Variants in TENM3 observed in about 807,000 individuals in gnomAD.
The protein encoded by TENM3 is teneurin-3.
In TENM3, 63 loss-of-function variants were observed where a neutral mutation model predicts 255.1. The ratio of observed to expected loss-of-function variants is 0.25; its 90% confidence interval spans 0.20 to 0.30. The LOEUF is 0.30. Ranked by LOEUF, TENM3 falls within the 10% of genes least tolerant of loss-of-function variation. TENM3 has a pLI of 1.00. For synonymous variants in TENM3, 1,306 were observed against 1,322.3 expected (o/e 0.99, Z 0.27); for missense variants, 2,929 against 3,461.1 (o/e 0.85, Z 3.86).
intron 3 of TENM3, among the ~76,000 whole-genome samples, chr4:182,532,641 G>A (rs1413320909): frequency 6.6e-6 from 1 of 152,120 alleles, no homozygotes; most frequent in East Asian, 1.9e-4. Context: ...GTACCATTTA[G>A]TAAATTACTT....
the TENM3 span, among the ~76,000 whole-genome samples, chr4:182,014,536 G>T: frequency 0.019 from 2,913 of 152,230 alleles, 40 homozygotes; most frequent in Non-Finnish European, 0.031. Flanking sequence ...AGGAAAAGAA[G>T]ATCCTAGGAG....
the TENM3 span, among the ~76,000 whole-genome samples, chr4:182,033,860 T>G: frequency 6.6e-6 from 1 of 152,228 alleles, no homozygotes; most frequent in African/African-American, 2.4e-5. Flanking sequence ...ATTGCAGCAC[T>G]TGCATTTTTC....
the TENM3 span, among the ~76,000 whole-genome samples, chr4:181,561,035 C>T: frequency 1.3e-5 from 2 of 152,166 alleles, no homozygotes; most frequent in African/African-American, 4.8e-5. Flanking sequence ...TCACTGCAAC[C>T]CTCGCCTCCT....
chr4:182,076,256 C>A, the TENM3 span, among the ~76,000 whole-genome samples: 6 of 141,352 alleles, frequency 4.2e-5, no homozygotes, highest in South Asian at 2.2e-4. Context: ...TGCTCTGTTG[C>A]CAGGTTGGCA....
chr4:182,671,026 A>G (rs1755161072), intron 6 of TENM3, among the ~76,000 whole-genome samples: 1 of 152,190 alleles, frequency 6.6e-6, no homozygotes, highest in African/African-American at 2.4e-5. Context: ...TAAAGTATAA[A>G]GACCATATTC....
chr4:182,049,101 A>G, the TENM3 span, among the ~76,000 whole-genome samples: 1 of 152,150 alleles, frequency 6.6e-6, no homozygotes, highest in Non-Finnish European at 1.5e-5. Context: ...CTCAAGGAGA[A>G]ACTGGCAATT....
chr4:182,293,402 G>A (rs1761250214), intron 1 of TENM3, among the ~76,000 whole-genome samples: 1 of 152,188 alleles, frequency 6.6e-6, no homozygotes, highest in South Asian at 2.1e-4. Flanking sequence ...TTCCATGCAG[G>A]AAAATCTGGA....
intron 20 of TENM3, 51 bp downstream of exon 20, chr4:182,752,083 A>AG (rs1762416025): frequency 1.7e-6 from 2 of 1,159,968 alleles, no homozygotes; most frequent in Non-Finnish European, 2.4e-6. Flanking sequence ...TAAAAAAAAA[A>AG]AAAAAGGGGT....
the TENM3 span, among the ~76,000 whole-genome samples, chr4:181,763,740 A>G: frequency 6.6e-6 from 1 of 152,226 alleles, no homozygotes; most frequent in Non-Finnish European, 1.5e-5. Flanking sequence ...GTCCTCGCTG[A>G]TAAGTATCCC....
At chr4:182,590,997 A>G (rs1446737434) in intron 3 of TENM3, among the ~76,000 whole-genome samples, 2 of 152,204 alleles carry the variant, frequency 1.3e-5, no homozygotes, top group Non-Finnish European at 2.9e-5. Flanking sequence ...AATTCAGTCA[A>G]TTAACCCAAA....
chr4:181,656,405 A>G, the TENM3 span, among the ~76,000 whole-genome samples: 1 of 152,208 alleles, frequency 6.6e-6, no homozygotes, highest in Non-Finnish European at 1.5e-5. Flanking sequence ...TTGTAAATAA[A>G]GGATTAGAAG....
intron 4 of TENM3, among the ~76,000 whole-genome samples, chr4:182,607,602 T>G (rs1748556573): frequency 1.3e-5 from 2 of 152,226 alleles, no homozygotes; most frequent in African/African-American, 4.8e-5. Context: ...TTTAAGGTAT[T>G]GAACGCTTTA....
chr4:181,670,733 T>C, the TENM3 span, among the ~76,000 whole-genome samples: 1 of 152,156 alleles, frequency 6.6e-6, no homozygotes, highest in African/African-American at 2.4e-5. Flanking sequence ...CTATTAGAAG[T>C]ACTGTGTCTG....
rs538115479 is a variant in TENM3 at position 182,688,300 on chromosome 4, G to T, written c.2170G>T (p.Asp724Tyr). The T allele has an allele frequency of 6.2e-7, 1 of 1,613,964 alleles. No individual in the cohort carries two copies. The highest frequency in any genetic ancestry group is 1.3e-5 in the African/African-American group (1 of 75,072). Residue 724 changes from aspartate to tyrosine, a missense_variant, in exon 12 of 28, where the codon GAT becomes TAT. Coordinates refer to ENST00000511685, the MANE Select transcript of TENM3 (RefSeq NM_001080477.4). ...CTGTGCCGAGCACGGGACCTGCAAG[G>T]ATGGCAAGTGTGAATGCAGCCAGGG... Reference protein sequence around the residue: ...PRCAEHGTCKDGKCECSQGWN... With the variant: ...PRCAEHGTCKYGKCECSQGWN...
the TENM3 span, among the ~76,000 whole-genome samples, chr4:181,605,888 C>T: frequency 6.6e-6 from 1 of 152,096 alleles, no homozygotes; most frequent in African/African-American, 2.4e-5. Context: ...GATTTTTCCT[C>T]GGGGCAATTT....
chr4:181,794,140 A>G, the TENM3 span, among the ~76,000 whole-genome samples: 1 of 152,050 alleles, frequency 6.6e-6, no homozygotes, highest in East Asian at 1.9e-4. Context: ...CCCCAGCTTT[A>G]CTGAAGTATA....
At position 182,363,814 on chromosome 4, in the gene TENM3, C is replaced by T. The variant is rs184879793; in HGVS notation, c.511+16885C>T. ...AAGTAATCAGTGTGAAGTATGGTTC[C>T]CCTTCCAACTGGTTAATATAGGAGT... On this transcript the variant is annotated intron_variant, in intron 3 of 27. Coordinates refer to ENST00000511685, the MANE Select transcript of TENM3 (RefSeq NM_001080477.4). Among the ~76,000 whole-genome samples the T allele has an allele frequency of 2.0e-5, 3 of 152,054 alleles. No homozygotes were observed. The East Asian group carries it at 5.8e-4, about 29-fold the overall frequency.
the TENM3 span, among the ~76,000 whole-genome samples, chr4:182,072,824 C>T: frequency 3.3e-5 from 5 of 152,190 alleles, no homozygotes; most frequent in East Asian, 1.9e-4. Flanking sequence ...AGATAGGTGC[C>T]GTGGACTGAG....
intron 6 of TENM3, among the ~76,000 whole-genome samples, chr4:182,658,985 A>G (rs1238957876): frequency 6.6e-6 from 1 of 152,214 alleles, no homozygotes; most frequent in African/African-American, 2.4e-5. Context: ...CCAGCTTTGT[A>G]TAACCTAGCA....
Sources: gnomAD v4.1 joint callset for allele counts (sites outside exome capture counted in the v4.1 genomes callset) on GRCh38, gnomAD v4.1.1 for gene constraint, MANE v1.5 for transcripts, NCBI Gene and HGNC (gene_info 2026-07-23, HGNC 2026-07-21) for gene names.